Variants in NUBPL observed in about 807,000 individuals in gnomAD.
The protein encoded by NUBPL is NUBP iron-sulfur cluster assembly factor, mitochondrial.
NUBPL carries 31 observed loss-of-function variants against 45.7 expected under a neutral mutation model. The ratio of observed to expected loss-of-function variants is 0.68; its 90% confidence interval spans 0.51 to 0.92. The LOEUF (loss-of-function observed/expected upper bound fraction) is 0.92, where lower values mean the gene tolerates loss of function less well. Among genes scored for constraint, NUBPL ranks in the 40% least tolerant of loss-of-function variants. The pLI, the probability that NUBPL is intolerant of heterozygous loss-of-function variation, is 0.00. For synonymous variants in NUBPL, 144 were observed against 140.9 expected (o/e 1.02, Z -0.15); for missense variants, 401 against 398.7 (o/e 1.01, Z -0.05).
chr14:31,839,430 G>A (rs1347709363), intron 8 of NUBPL, among the ~76,000 whole-genome samples: 1 of 152,164 alleles, frequency 6.6e-6, no homozygotes, highest in African/African-American at 2.4e-5. Context: ...AATGAAATTA[G>A]ACCCTTATTT....
chr14:31,760,070 T>C (rs374349264), intron 6 of NUBPL, among the ~76,000 whole-genome samples: 17 of 151,248 alleles, frequency 1.1e-4, no homozygotes, highest in African/African-American at 3.9e-4. Context: ...CCACTAGAGT[T>C]GTACAATAGA....
At position 31,787,748 on chromosome 14, in the gene NUBPL, A is replaced by G. The variant is rs7159193; in HGVS notation, c.514-32A>G. 0.035 allele frequency: 48,118 copies of G among 1,371,666 alleles called. 5,986 individuals carry two copies. The African/African-American group carries it at 0.39, about 11-fold the overall frequency. 85.0% of individuals were successfully genotyped at this position (1,371,666 alleles called of 1,614,324 possible). On this transcript the variant is annotated intron_variant, in intron 6 of 10. Transcript: ENST00000281081. ...CATCACTATTCAACATTGAATTTTT[A>G]TACAATGATATAATCTATGTCATCT... is the stretch of plus-strand genomic sequence containing the variant.
intron 4 of NUBPL, among the ~76,000 whole-genome samples, chr14:31,652,397 A>G (rs1196821172): frequency 2.0e-5 from 3 of 152,224 alleles, no homozygotes; most frequent in African/African-American, 7.2e-5. Context: ...TGTAGTTAAA[A>G]TACTAATGCA....
At chr14:31,730,457 A>G (rs1445901818) in intron 6 of NUBPL, among the ~76,000 whole-genome samples, 5 of 151,600 alleles carry the variant, frequency 3.3e-5, no homozygotes, top group African/African-American at 1.2e-4. Flanking sequence ...TGCTGGATCA[A>G]GTAATCTTTT....
chr14:31,690,580 A>G (rs2037071071), intron 6 of NUBPL, among the ~76,000 whole-genome samples: 1 of 152,170 alleles, frequency 6.6e-6, no homozygotes, highest in Non-Finnish European at 1.5e-5. Flanking sequence ...TGTCAGTGCT[A>G]TGGAAGAGAA....
At chr14:31,843,131 G>T (rs770489124) in intron 8 of NUBPL, among the ~76,000 whole-genome samples, 2 of 152,182 alleles carry the variant, frequency 1.3e-5, no homozygotes, top group African/African-American at 4.8e-5. Flanking sequence ...CACCCAGACT[G>T]ATACAGCAGC....
chr14:31,588,393 A>G (rs2034049271), intron 3 of NUBPL, among the ~76,000 whole-genome samples: 1 of 147,858 alleles, frequency 6.8e-6, no homozygotes, highest in South Asian at 2.2e-4. Context: ...CTTCACAAAA[A>G]TCCTATAAAT....
intron 4 of NUBPL, among the ~76,000 whole-genome samples, chr14:31,625,317 A>C (rs556405779): frequency 6.6e-6 from 1 of 152,182 alleles, no homozygotes; most frequent in African/African-American, 2.4e-5. Flanking sequence ...TGTTGAAGAC[A>C]TCTGAGCACA....
At chr14:31,783,515 C>CTTT (rs71430995) in intron 6 of NUBPL, among the ~76,000 whole-genome samples, 14 of 129,204 alleles carry the variant, frequency 1.1e-4, no homozygotes, top group Admixed American at 3.3e-4. Flanking sequence ...AATAGCAGTT[C>CTTT]TTTTTTTTTT....
At chr14:31,617,648 T>C (rs138188985) in intron 4 of NUBPL, among the ~76,000 whole-genome samples, 3 of 152,198 alleles carry the variant, frequency 2.0e-5, no homozygotes, top group African/African-American at 7.2e-5. Flanking sequence ...GGTAGATAAG[T>C]GTTTTGATGT....
intron 7 of NUBPL, among the ~76,000 whole-genome samples, chr14:31,814,169 A>G (rs949289206): frequency 1.1e-4 from 16 of 152,162 alleles, no homozygotes; most frequent in Non-Finnish European, 2.2e-4. Context: ...AAGCATTCCT[A>G]TTTCTCCACA....
At chr14:31,678,390 A>C (rs533079624) in intron 6 of NUBPL, among the ~76,000 whole-genome samples, 9 of 152,206 alleles carry the variant, frequency 5.9e-5, no homozygotes, top group African/African-American at 1.9e-4. Flanking sequence ...CACAGCAGGG[A>C]ATGTGCTGTA....
At chr14:31,664,383 G>A (rs971443257) in intron 4 of NUBPL, among the ~76,000 whole-genome samples, 8 of 152,074 alleles carry the variant, frequency 5.3e-5, no homozygotes, top group East Asian at 1.9e-4. Context: ...GTCATAAATC[G>A]CTTTTATTAT....
At chr14:31,690,091 G>GAAA (rs61028866) in intron 6 of NUBPL, among the ~76,000 whole-genome samples, 28 of 148,496 alleles carry the variant, frequency 1.9e-4, no homozygotes, top group South Asian at 2.1e-4. Context: ...ACTCATTCTG[G>GAAA]AAAAAAAAAA....
chr14:31,675,054 G>A (rs1025984260), intron 6 of NUBPL, among the ~76,000 whole-genome samples: 17 of 151,500 alleles, frequency 1.1e-4, no homozygotes, highest in African/African-American at 3.6e-4. Flanking sequence ...GGAGAATGGC[G>A]TGAACCCGGG....
chr14:31,714,912 A>G (rs1471591357), intron 6 of NUBPL: 1 of 152,262 alleles, frequency 6.6e-6, no homozygotes, highest in African/African-American at 2.4e-5. Flanking sequence ...TTAAAAAACA[A>G]CAAACGAGAA....
At chr14:31,768,689 A>G (rs1253220751) in intron 6 of NUBPL, among the ~76,000 whole-genome samples, 1 of 152,202 alleles carries the variant, frequency 6.6e-6, no homozygotes, top group African/African-American at 2.4e-5. Flanking sequence ...CTTAAAGGAA[A>G]AAGAAGCTTT....
chr14:31,673,714 A>G, intron 6 of NUBPL, 140 bp downstream of exon 6: 1 of 759,244 alleles, frequency 1.3e-6, no homozygotes. Context: ...GCACCTAATG[A>G]GTTAATGTGA....
intron 3 of NUBPL, among the ~76,000 whole-genome samples, chr14:31,583,980 GC>G (rs2033931023): frequency 6.6e-6 from 1 of 152,130 alleles, no homozygotes; most frequent in African/African-American, 2.4e-5. Flanking sequence ...ACACAAAATT[GC>G]CCTTGCTTAT....
Sources: gnomAD v4.1 joint callset for allele counts (sites outside exome capture counted in the v4.1 genomes callset) on GRCh38, gnomAD v4.1.1 for gene constraint, MANE v1.5 for transcripts, NCBI Gene and HGNC (gene_info 2026-07-23, HGNC 2026-07-21) for gene names.